MICAL2: variants seen among roughly 807,000 people sequenced by gnomAD.
The protein encoded by MICAL2 is [F-actin]-monooxygenase MICAL2.
A neutral mutation model predicts 127.3 loss-of-function variants in MICAL2; 77 were observed. The observed-to-expected ratio is 0.60, with a 90% CI of 0.50 to 0.73. The LOEUF (loss-of-function observed/expected upper bound fraction) is 0.73. Ranked by LOEUF, MICAL2 falls within the 30% of genes least tolerant of loss-of-function variation. The pLI, the probability that MICAL2 is intolerant of heterozygous loss-of-function variation, is 0.00. For synonymous variants in MICAL2, 570 were observed against 551.1 expected, an observed-to-expected ratio of 1.03 and a Z score of -0.48; for missense variants, 1,351 against 1,434.4, an observed-to-expected ratio of 0.94 and a Z score of 0.94.
chr11:12,339,218 A>T (rs1938817916), intron 32 of MICAL2, among the ~76,000 whole-genome samples: 2 of 152,090 alleles, frequency 1.3e-5, no homozygotes, highest in Non-Finnish European at 2.9e-5. Context: ...CATCGCTGAT[A>T]CCCTTTCTTC....
chr11:12,154,144 G>T (rs1853903891), intron 2 of MICAL2, among the ~76,000 whole-genome samples: 1 of 152,200 alleles, frequency 6.6e-6, no homozygotes, highest in South Asian at 2.1e-4. Context: ...CTCGGGAGTG[G>T]AGCTGCTGGA....
chr11:12,226,367 G>A lies in MICAL2; in HGVS notation c.1885G>A (p.Val629Met), dbSNP rs972563428. ...CTTCCGGGGCACCCCACTGAGGCCC[G>A]TGGGTAAGCACCTGCACAGAGGTTT... is the stretch of plus-strand genomic sequence containing the variant. ...ELFRGTPLRP[V>M]DSWRKNYGEN... The change falls in exon 14 of 28, where the codon GTG becomes ATG. Residue 629 changes from valine (V) to methionine (M), a missense_variant. This residue lies in a region of MICAL2 where 752 missense variants were observed against 719.4 expected (regional missense o/e 1.05). Coordinates refer to ENST00000683283, the MANE Select transcript of MICAL2 (RefSeq NM_001282663.2). 1.5e-5 allele frequency: 24 copies of A among 1,613,910 alleles called. No individual in the cohort carries two copies. Among genetic ancestry groups the A allele is most frequent in the Non-Finnish European group, 1.9e-5 (23 of 1,179,916 alleles).
intron 34 of MICAL2, chr11:12,358,182 C>A: frequency 9.6e-7 from 1 of 1,044,482 alleles, no homozygotes; most frequent in Non-Finnish European, 1.4e-6. Context: ...TCCTTGTTTT[C>A]TCCATTAAAA....
intron 22 of MICAL2, chr11:12,255,372 T>G (rs1311795048): frequency 2.2e-6 from 1 of 447,454 alleles, no homozygotes; most frequent in Non-Finnish European, 4.1e-6. Flanking sequence ...ACTGCCTGTC[T>G]CTACGATTTT....
downstream of MICAL2, chr11:12,359,148 A>G (rs932459145): frequency 1.3e-5 from 2 of 152,646 alleles, no homozygotes; most frequent in Admixed American, 6.5e-5. Flanking sequence ...TTTTAAGAAG[A>G]AAAGAAAAAA....
At chr11:12,118,939 T>C (rs1420260004) in intron 1 of MICAL2, among the ~76,000 whole-genome samples, 1 of 152,224 alleles carries the variant, frequency 6.6e-6, no homozygotes, top group African/African-American at 2.4e-5. Flanking sequence ...TGGAGTCCTC[T>C]GGATGGCTTT....
exon 35 of MICAL2, chr11:12,358,451 C>A: frequency 6.2e-7 from 1 of 1,614,156 alleles, no homozygotes; most frequent in Non-Finnish European, 8.5e-7. Context: ...TTCGTATTCT[C>A]CAGAGGCTGT....
chr11:12,226,363 GCCCGTGGGT>G lies in MICAL2; in HGVS notation c.1882_1888+2del, dbSNP rs766130270. ...AGCTCTTCCGGGGCACCCCACTGAG[GCCCGTGGGT>G]AAGCACCTGCACAGAGGTTTTGCTT... On this transcript the variant is annotated splice_donor_variant and coding_sequence_variant, in exon 14 of 28. Coordinates refer to ENST00000683283, the MANE Select transcript of MICAL2 (RefSeq NM_001282663.2). LOFTEE classifies it high-confidence loss of function. 1.2e-6 allele frequency: 2 copies of G among 1,613,976 alleles called. No individual in the cohort carries two copies. Among genetic ancestry groups the G allele is most frequent in the South Asian group, 2.2e-5 (2 of 91,080 alleles).
chr11:12,216,462 T>C, intron 8 of MICAL2, 143 bp downstream of exon 8: 1 of 656,360 alleles, frequency 1.5e-6, no homozygotes, highest in Non-Finnish European at 2.7e-6. Context: ...CTTCTTTTTC[T>C]TGGTGTTACA....
intron 20 of MICAL2, chr11:12,243,235 A>G (rs994742072): frequency 2.0e-5 from 3 of 153,114 alleles, no homozygotes; most frequent in African/African-American, 4.8e-5. Flanking sequence ...ACATGCTGCA[A>G]CTGGGGCTCT....
downstream of MICAL2, among the ~76,000 whole-genome samples, chr11:12,264,597 ACC>A (rs1410024151): frequency 6.6e-6 from 1 of 152,084 alleles, no homozygotes; most frequent in Non-Finnish European, 1.5e-5. Context: ...ATGAAAAGTC[ACC>A]TGTGAACCTC....
At chr11:12,170,562 A>T (rs775201236) in intron 3 of MICAL2, among the ~76,000 whole-genome samples, 13 of 152,262 alleles carry the variant, frequency 8.5e-5, no homozygotes, top group Non-Finnish European at 1.6e-4. Flanking sequence ...TGAAAATTTC[A>T]TCAAATAATG....
chr11:12,180,157 C>G (rs1204133002), intron 3 of MICAL2, among the ~76,000 whole-genome samples: 2 of 151,718 alleles, frequency 1.3e-5, no homozygotes, highest in Non-Finnish European at 2.9e-5. Flanking sequence ...CCGTGACTAC[C>G]TTGTATTGTC....
downstream of MICAL2, among the ~76,000 whole-genome samples, chr11:12,268,047 T>C (rs1863628901): frequency 6.6e-6 from 1 of 152,202 alleles, no homozygotes; most frequent in African/African-American, 2.4e-5. Flanking sequence ...TAGTGGGCCC[T>C]CAAAAAATAT....
In MICAL2 at chr11:12,226,347, G is replaced by A. The variant is rs199894889; in HGVS notation, c.1865G>A (p.Arg622Gln). Residue 622 changes from arginine to glutamine, a missense_variant, in exon 14 of 28, where the codon CGG (arginine) becomes CAG (glutamine). Physicochemically the swap from Arg to Gln is conservative, Grantham distance 43. Around this residue, in one of 2 missense-constraint regions of MICAL2, gnomAD observed 752 missense variants for 719.4 expected, o/e 1.05. Coordinates refer to ENST00000683283, the MANE Select transcript of MICAL2 (RefSeq NM_001282663.2). ...MYLSKFYELF[R>Q]GTPLRPVDSW... is the part of the protein sequence containing the mutation. ...CTCTCCAAGTTCTACGAGCTCTTCC[G>A]GGGCACCCCACTGAGGCCCGTGGGT... The A allele has an allele frequency of 8.7e-6, 14 of 1,613,894 alleles. No homozygotes were observed. Among genetic ancestry groups the A allele is most frequent in the South Asian group, 1.1e-5 (1 of 91,084 alleles).
chr11:12,162,031 C>T, intron 2 of MICAL2, 48 bp from the exon 3 acceptor site: 1 of 1,369,122 alleles, frequency 7.3e-7, no homozygotes, highest in Non-Finnish European at 1.0e-6. Context: ...ATCCCCCACC[C>T]TAACCTCATC....
At chr11:12,354,407 G>A (rs1939098498) in intron 33 of MICAL2, among the ~76,000 whole-genome samples, 1 of 151,936 alleles carries the variant, frequency 6.6e-6, no homozygotes, top group Non-Finnish European at 1.5e-5. Context: ...GGGAGGTGGA[G>A]GTTGCAGTGA....
At position 12,162,062 on chromosome 11, in the gene MICAL2, TC is replaced by T. The variant is rs1475661322; in HGVS notation, c.-77-12del. On this transcript the variant is annotated splice_polypyrimidine_tract_variant and intron_variant, in intron 2 of 27. Coordinates refer to ENST00000683283, the MANE Select transcript of MICAL2 (RefSeq NM_001282663.2). ...TCATCGTCCAAAGCTGACCTCTGCC[TC>T]CCCCTACTTTCACAGGTGTGACGTT... The T allele has an allele frequency of 4.5e-6, 7 of 1,553,454 alleles. No individual in the cohort carries two copies. Among genetic ancestry groups the T allele is most frequent in the Non-Finnish European group, 5.3e-6 (6 of 1,141,754 alleles).
chr11:12,297,937 G>T, intron 29 of MICAL2, among the ~76,000 whole-genome samples: 1 of 150,560 alleles, frequency 6.6e-6, no homozygotes. Flanking sequence ...TTTTATTTTA[G>T]GTATTTTACT....
Sources: gnomAD v4.1 joint callset for allele counts (sites outside exome capture counted in the v4.1 genomes callset) on GRCh38, gnomAD v4.1.1 for gene constraint, gnomAD v4.1.1 regional missense constraint, MANE v1.5 for transcripts, NCBI Gene and HGNC (gene_info 2026-07-23, HGNC 2026-07-21) for gene names.